Variants in LRP1B observed in about 807,000 individuals in gnomAD.
The protein encoded by LRP1B is LDL receptor related protein 1B, also known as low-density lipoprotein receptor-related protein 1B.
LRP1B carries 217 observed loss-of-function variants against 556.6 expected under a neutral mutation model. The ratio of observed to expected loss-of-function variants is 0.39; its 90% CI spans 0.35 to 0.44. The LOEUF (loss-of-function observed/expected upper bound fraction) is 0.44. LRP1B is among the 20% of genes least tolerant of loss of function. The pLI, the probability that LRP1B is intolerant of heterozygous loss-of-function variation, is 1.00. For missense variants in LRP1B, 5,053 were observed against 5,620.8 expected, an observed-to-expected ratio of 0.90 and a Z score of 3.23; for synonymous variants, 2,047 against 1,865.8, an observed-to-expected ratio of 1.10 and a Z score of -2.50.
chr2:140,885,576 C>G (rs1372109529), intron 24 of LRP1B, among the ~76,000 whole-genome samples: 1 of 151,908 alleles, frequency 6.6e-6, no homozygotes, highest in Non-Finnish European at 1.5e-5. Flanking sequence ...GTCTGGATCT[C>G]CTGACCTCAC....
At chr2:140,761,667 T>C (rs1688928102) in intron 35 of LRP1B, among the ~76,000 whole-genome samples, 1 of 152,110 alleles carries the variant, frequency 6.6e-6, no homozygotes, top group Admixed American at 6.6e-5. Context: ...TTCAACAACC[T>C]GCAAGGAACA....
chr2:141,454,787 C>T (rs560115212), intron 3 of LRP1B, among the ~76,000 whole-genome samples: 11 of 152,220 alleles, frequency 7.2e-5, no homozygotes, highest in African/African-American at 2.7e-4. Context: ...GTAAACATCG[C>T]AGAGAGGAGA....
rs189538959 is a variant in LRP1B, at chr2:141,934,210, T to A, written c.83-123809A>T. 1.5e-4 allele frequency among the ~76,000 whole-genome samples: 23 copies of A among 151,872 alleles called. No individual in the cohort carries two copies. In the East Asian group the frequency reaches 2.9e-3, roughly 19 times the overall value. On this transcript the variant is annotated intron_variant, in intron 1 of 90. Transcript: ENST00000389484. The stretch of plus-strand genomic sequence containing the variant: ...ATCAGTGAACTGGAAAATAAATCAA[T>A]AGGAATCATAGAGTCTAGTAAAAAA...
At chr2:141,740,918 A>T (rs1312102456) in intron 2 of LRP1B, among the ~76,000 whole-genome samples, 1 of 151,858 alleles carries the variant, frequency 6.6e-6, no homozygotes, top group Non-Finnish European at 1.5e-5. Flanking sequence ...CCCCCAACCC[A>T]CTACTCTCTC....
At chr2:140,574,890 T>C (rs1261507191) in intron 43 of LRP1B, among the ~76,000 whole-genome samples, 1 of 152,204 alleles carries the variant, frequency 6.6e-6, no homozygotes, top group Non-Finnish European at 1.5e-5. Flanking sequence ...AAGTGTAATA[T>C]GTGATAAAAA....
At chr2:140,276,423 G>GT (rs1682676017) in intron 84 of LRP1B, among the ~76,000 whole-genome samples, 1 of 151,938 alleles carries the variant, frequency 6.6e-6, no homozygotes, top group Admixed American at 6.6e-5. Context: ...AGGTAAGAGA[G>GT]TTGGAGATCT....
At chr2:141,684,780 G>A (rs2105435790) in intron 2 of LRP1B, among the ~76,000 whole-genome samples, 1 of 152,116 alleles carries the variant, frequency 6.6e-6, no homozygotes, top group Non-Finnish European at 1.5e-5. Flanking sequence ...GGAGATCCAA[G>A]AGATTCTTAA....
chr2:140,894,409 A>G (rs1387656215), intron 23 of LRP1B, among the ~76,000 whole-genome samples: 2 of 152,150 alleles, frequency 1.3e-5, no homozygotes. Flanking sequence ...GATGCTGCTT[A>G]ATTGTAGAAA....
At chr2:141,532,580 CTCCGGTACAAGGATGGGT>C (rs1684925539) in intron 2 of LRP1B, among the ~76,000 whole-genome samples, 1 of 151,894 alleles carries the variant, frequency 6.6e-6, no homozygotes, top group East Asian at 1.9e-4. Flanking sequence ...TATTGTCATC[CTCCGGTACAAGGATGGGT>C]TGTTCATATG....
At chr2:140,439,768 ATT>A (rs1686343241) in intron 66 of LRP1B, among the ~76,000 whole-genome samples, 1 of 152,014 alleles carries the variant, frequency 6.6e-6, no homozygotes, top group Non-Finnish European at 1.5e-5. Flanking sequence ...TTAGTATATA[ATT>A]TTTCCATAGA....
chr2:141,060,800 G>A (rs1021219415), intron 8 of LRP1B, among the ~76,000 whole-genome samples: 3 of 151,646 alleles, frequency 2.0e-5, no homozygotes, highest in Non-Finnish European at 4.4e-5. Context: ...GGAGAAGCCT[G>A]GAGCAGTAGG....
intron 21 of LRP1B, among the ~76,000 whole-genome samples, chr2:140,908,333 C>CTCTA (rs1247874336): frequency 4.9e-4 from 68 of 140,204 alleles, no homozygotes; most frequent in African/African-American, 1.6e-3. Context: ...CTCTCTCTCT[C>CTCTA]TATATATATA....
At chr2:141,136,996 A>G (rs538745370) in intron 7 of LRP1B, among the ~76,000 whole-genome samples, 1 of 151,836 alleles carries the variant, frequency 6.6e-6, no homozygotes, top group East Asian at 1.9e-4. Flanking sequence ...TACACTGTCA[A>G]AATAATGATT....
chr2:141,836,985 A>C (rs1697303562), intron 1 of LRP1B, among the ~76,000 whole-genome samples: 3 of 152,144 alleles, frequency 2.0e-5, no homozygotes, highest in East Asian at 3.9e-4. Context: ...AAATACAAAA[A>C]TAAAAGATAT....
At chr2:141,028,129 T>G (rs941372701) in intron 11 of LRP1B, among the ~76,000 whole-genome samples, 2 of 152,048 alleles carry the variant, frequency 1.3e-5, no homozygotes, top group East Asian at 3.9e-4. Flanking sequence ...TATAATAAAT[T>G]GCTTTGTAAA....
At chr2:140,940,727 A>G (rs1018065519) in intron 20 of LRP1B, among the ~76,000 whole-genome samples, 6 of 152,246 alleles carry the variant, frequency 3.9e-5, no homozygotes, top group Admixed American at 3.9e-4. Flanking sequence ...GCTGCAATGA[A>G]CATACATGTG....
At chr2:141,389,251 A>G (rs1689957528) in intron 3 of LRP1B, among the ~76,000 whole-genome samples, 1 of 152,176 alleles carries the variant, frequency 6.6e-6, no homozygotes, top group Admixed American at 6.5e-5. Flanking sequence ...AATCAAAACA[A>G]TGTGTTATAG....
rs2105396701 is a variant in LRP1B at position 141,019,966 on chromosome 2, A to G, written c.1926T>C (p.Gly642=). The change falls in exon 12 of 91, where the codon GGT becomes GGC. Residue 642 remains glycine, a synonymous_variant. Coordinates refer to ENST00000389484, the MANE Select transcript of LRP1B (RefSeq NM_018557.3). ...CAATTCCTCTGGGATGAGACATTTC[A>G]CCCTCTAAAAGAGTCTTCCGACTCT... ...ASQSRKTLLE[G]EMSHPRGIVV... is the part of the protein sequence containing the mutation. The G allele has an allele frequency of 6.2e-7, 1 of 1,611,022 alleles. No homozygotes were observed. The highest frequency in any genetic ancestry group is 8.5e-7 in the Non-Finnish European group (1 of 1,178,132).
chr2:140,618,638 T>A (rs1041877663), intron 41 of LRP1B, among the ~76,000 whole-genome samples: 2 of 152,152 alleles, frequency 1.3e-5, no homozygotes, highest in Admixed American at 6.6e-5. Context: ...AATCTGTTCA[T>A]ATTCAGGACA....
Sources: allele counts gnomAD v4.1 joint callset (sites outside exome capture counted in the v4.1 genomes callset), GRCh38; gene constraint gnomAD v4.1.1; transcripts MANE v1.5; gene names NCBI Gene and HGNC (gene_info 2026-07-23, HGNC 2026-07-21).